The following SLC38A8 variants were observed in gnomAD, a reference collection of about 807,000 sequenced individuals.
SLC38A8 encodes amino acid transporter SLC38A8.
In SLC38A8, 65 loss-of-function variants were observed where a neutral mutation model predicts 46.0. The ratio of observed to expected loss-of-function variants is 1.41; its 90% CI spans 1.16 to 1.74. SLC38A8 has a LOEUF of 1.74. Among genes scored for constraint, SLC38A8 ranks in the 40% most tolerant of loss-of-function variants. The pLI is 0.00. For missense variants in SLC38A8, 998 were observed against 567.9 expected (o/e 1.76, Z -7.70); for synonymous variants, 447 against 243.7 (o/e 1.83, Z -7.77).
intron 9 of SLC38A8, among the ~76,000 whole-genome samples, chr16:84,014,382 C>G (rs1054311420): frequency 3.3e-5 from 5 of 150,544 alleles, no homozygotes; most frequent in Non-Finnish European, 7.4e-5. Flanking sequence ...GGCCACATCC[C>G]CATCAATGAA....
At chr16:84,037,401 C>G (rs1186613508) in intron 2 of SLC38A8, among the ~76,000 whole-genome samples, 1 of 87,728 alleles carries the variant, frequency 1.1e-5, no homozygotes, top group African/African-American at 4.3e-5. Context: ...TGCAGGGGTG[C>G]TGCTATGACA....
chr16:84,036,399 T>C (rs541639790), intron 3 of SLC38A8, among the ~76,000 whole-genome samples: 1 of 152,366 alleles, frequency 6.6e-6, no homozygotes, highest in Admixed American at 6.5e-5. Context: ...TGGTTCTTTC[T>C]CAGAAGGAGC....
At chr16:84,014,087 GGGA>G (rs998059459) in intron 9 of SLC38A8, among the ~76,000 whole-genome samples, 18 of 151,772 alleles carry the variant, frequency 1.2e-4, no homozygotes, top group African/African-American at 4.4e-4. Context: ...CCAGAGCTGA[GGGA>G]GGAGATGCAT....
intron 6 of SLC38A8, among the ~76,000 whole-genome samples, chr16:84,024,481 GA>G (rs1567696566): frequency 6.6e-6 from 1 of 151,862 alleles, no homozygotes; most frequent in African/African-American, 2.4e-5. Context: ...GCCCAAGGGG[GA>G]TAAGAATTTT....
chr16:84,013,268 G>C (rs571350014), intron 9 of SLC38A8, among the ~76,000 whole-genome samples: 5 of 152,236 alleles, frequency 3.3e-5, no homozygotes, highest in African/African-American at 1.2e-4. Flanking sequence ...CAGAGGTCTG[G>C]CAGCAACCGA....
intron 9 of SLC38A8, among the ~76,000 whole-genome samples, chr16:84,013,914 A>C (rs2084990060): frequency 6.6e-6 from 1 of 152,170 alleles, no homozygotes; most frequent in Non-Finnish European, 1.5e-5. Context: ...AGCCCAGACC[A>C]GGGAGTGTGA....
intron 6 of SLC38A8, among the ~76,000 whole-genome samples, chr16:84,027,136 G>T (rs192138523): frequency 6.6e-6 from 1 of 152,300 alleles, no homozygotes; most frequent in African/African-American, 2.4e-5. Context: ...CAGATCAAAA[G>T]GTTAAGAGAT....
intron 6 of SLC38A8, among the ~76,000 whole-genome samples, chr16:84,024,037 G>C (rs1487302171): frequency 6.6e-6 from 1 of 152,258 alleles, no homozygotes; most frequent in Non-Finnish European, 1.5e-5. Flanking sequence ...CAGCCGCCCT[G>C]TGTGTTTGGG....
chr16:84,037,668 G>A (rs1017044884), intron 2 of SLC38A8, among the ~76,000 whole-genome samples: 3 of 151,872 alleles, frequency 2.0e-5, no homozygotes, highest in Non-Finnish European at 4.4e-5. Context: ...GGCTGAGGCA[G>A]CAAAATCTCT....
In SLC38A8 at chr16:84,033,356, G is replaced by T. The variant is rs111674240; in HGVS notation, c.502C>A (p.Arg168=). 2 of 1,613,956 alleles carry T rather than the reference G, an allele frequency of 1.2e-6. No individual in the cohort carries two copies. Among genetic ancestry groups the T allele is most frequent in the East Asian group, 2.2e-5 (1 of 44,876 alleles). Residue 168 remains arginine (R), a synonymous_variant, in exon 4 of 11, where the codon CGG becomes AGG. Transcript: ENST00000299709. ...GTGTATTTCTGGAAGGCGATCTCCC[G>T]CGGGGCAGACAGGGGCAGGATGACC... The part of the protein sequence containing the change: ...VLVILPLSAP[R]EIAFQKYTSI...
At chr16:84,030,456 C>G (rs2085224453) in intron 5 of SLC38A8, among the ~76,000 whole-genome samples, 1 of 152,072 alleles carries the variant, frequency 6.6e-6, no homozygotes, top group African/African-American at 2.4e-5. Flanking sequence ...ACGTCAGCCA[C>G]GTTTCTCCTG....
intron 7 of SLC38A8, among the ~76,000 whole-genome samples, chr16:84,021,069 G>T (rs927034024): frequency 6.6e-6 from 1 of 151,698 alleles, no homozygotes; most frequent in Admixed American, 6.6e-5. Context: ...TTTTTTGCCG[G>T]CAGGGGAGGG....
At chr16:84,027,482 G>T (rs570585149) in intron 6 of SLC38A8, among the ~76,000 whole-genome samples, 2 of 152,334 alleles carry the variant, frequency 1.3e-5, no homozygotes, top group Non-Finnish European at 2.9e-5. Flanking sequence ...CAGGCCTGGG[G>T]CGGGGGTGCC....
intron 6 of SLC38A8, among the ~76,000 whole-genome samples, chr16:84,025,888 G>A (rs562708189): frequency 5.3e-5 from 8 of 152,352 alleles, no homozygotes; most frequent in East Asian, 1.9e-4. Context: ...CTGTCCTACA[G>A]GAGGGCTCTG....
At chr16:84,014,086 A>G (rs1439985591) in intron 9 of SLC38A8, among the ~76,000 whole-genome samples, 2 of 151,452 alleles carry the variant, frequency 1.3e-5, no homozygotes, top group African/African-American at 4.9e-5. Context: ...CCCAGAGCTG[A>G]GGGAGGAGAT....
At chr16:84,014,801 C>G (rs946176800) in intron 9 of SLC38A8, among the ~76,000 whole-genome samples, 1 of 152,228 alleles carries the variant, frequency 6.6e-6, no homozygotes, top group Non-Finnish European at 1.5e-5. Context: ...TAAGAACCCA[C>G]TTTTCATATT....
At chr16:84,026,852 CAAG>C (rs2085170283) in intron 6 of SLC38A8, among the ~76,000 whole-genome samples, 1 of 152,130 alleles carries the variant, frequency 6.6e-6, no homozygotes, top group South Asian at 2.1e-4. Context: ...TCCAGACAGA[CAAG>C]AAGTGCAAGA....
At chr16:84,018,423 G>T (rs1035129627) in intron 7 of SLC38A8, among the ~76,000 whole-genome samples, 1 of 151,932 alleles carries the variant, frequency 6.6e-6, no homozygotes. Flanking sequence ...GTTTCACCGT[G>T]TTAGCCAGGA....
intron 2 of SLC38A8, among the ~76,000 whole-genome samples, chr16:84,038,687 C>T (rs1277247482): frequency 2.6e-5 from 4 of 152,206 alleles, no homozygotes; most frequent in Non-Finnish European, 5.9e-5. Context: ...GGCGGAACAT[C>T]GCCACACCCC....
Sources: gnomAD v4.1 joint callset for allele counts (sites outside exome capture counted in the v4.1 genomes callset) on GRCh38, gnomAD v4.1.1 for gene constraint, MANE v1.5 for transcripts, NCBI Gene and HGNC (gene_info 2026-07-23, HGNC 2026-07-21) for gene names.